The following SUGCT variants were observed in gnomAD, a reference collection of about 807,000 sequenced individuals.
The protein encoded by SUGCT is succinyl-CoA:glutarate CoA-transferase.
SUGCT carries 41 observed loss-of-function variants against 55.0 expected under a neutral mutation model. The ratio of observed to expected loss-of-function variants is 0.74; its 90% CI spans 0.58 to 0.97. The LOEUF (loss-of-function observed/expected upper bound fraction) is 0.97, where lower values mean the gene tolerates loss of function less well. SUGCT is among the 50% of genes least tolerant of loss of function. The pLI is 0.00. For synonymous variants in SUGCT, 187 were observed against 200.4 expected (o/e 0.93, Z 0.56); for missense variants, 568 against 547.8 (o/e 1.04, Z -0.37).
At chr7:41,009,416 C>G in the SUGCT span, among the ~76,000 whole-genome samples, 1 of 152,150 alleles carries the variant, frequency 6.6e-6, no homozygotes, top group Non-Finnish European at 1.5e-5. Flanking sequence ...CCTAGTGCCA[C>G]GGGACAGGTA....
At chr7:40,569,233 AG>A (rs1796307768) in intron 12 of SUGCT, among the ~76,000 whole-genome samples, 1 of 152,144 alleles carries the variant, frequency 6.6e-6, no homozygotes, top group African/African-American at 2.4e-5. Flanking sequence ...TGTAGGACGT[AG>A]GTGATCCTAG....
At chr7:40,158,677 G>C (rs1054805970) in intron 1 of SUGCT, among the ~76,000 whole-genome samples, 6 of 152,272 alleles carry the variant, frequency 3.9e-5, no homozygotes, top group Non-Finnish European at 8.8e-5. Context: ...TTGAACCCGG[G>C]GGGCAGAGGT....
chr7:40,457,730 A>T (rs1789568469), intron 10 of SUGCT, among the ~76,000 whole-genome samples: 1 of 152,224 alleles, frequency 6.6e-6, no homozygotes, highest in Non-Finnish European at 1.5e-5. Flanking sequence ...TCAAATACAG[A>T]GGACACATGG....
At chr7:40,700,500 C>T (rs555915889) in intron 12 of SUGCT, among the ~76,000 whole-genome samples, 4 of 152,180 alleles carry the variant, frequency 2.6e-5, no homozygotes, top group South Asian at 2.1e-4. Flanking sequence ...AGGGCAACAA[C>T]GCTGTTTATT....
At chr7:40,421,607 C>T (rs1395864919) in intron 9 of SUGCT, among the ~76,000 whole-genome samples, 1 of 152,188 alleles carries the variant, frequency 6.6e-6, no homozygotes, top group Non-Finnish European at 1.5e-5. Context: ...GTGAGTCATA[C>T]AGTGGGCATG....
chr7:40,235,618 C>G (rs1338030989), intron 6 of SUGCT, among the ~76,000 whole-genome samples: 1 of 152,230 alleles, frequency 6.6e-6, no homozygotes. Context: ...TGAGCCACCG[C>G]ATCCAGCCAA....
At chr7:40,205,811 T>TAA (rs1786943040) in intron 6 of SUGCT, among the ~76,000 whole-genome samples, 1 of 152,138 alleles carries the variant, frequency 6.6e-6, no homozygotes, top group Admixed American at 6.5e-5. Flanking sequence ...ACTATTGATT[T>TAA]AAAAAAGAGA....
intron 9 of SUGCT, among the ~76,000 whole-genome samples, chr7:40,333,696 TATATATAA>T (rs1353831057): frequency 1.9e-4 from 21 of 112,868 alleles, no homozygotes; most frequent in Non-Finnish European, 2.9e-4. Context: ...TATATATATA[TATATATAA>T]ATATTTATAA....
chr7:40,967,950 T>C, the SUGCT span, among the ~76,000 whole-genome samples: 820 of 152,302 alleles, frequency 5.4e-3, 4 homozygotes, highest in Non-Finnish European at 8.4e-3. Context: ...ACTCAATGGA[T>C]ATAGAAAAGC....
intron 12 of SUGCT, among the ~76,000 whole-genome samples, chr7:40,659,865 C>T (rs1484265318): frequency 6.6e-6 from 1 of 152,148 alleles, no homozygotes; most frequent in East Asian, 1.9e-4. Context: ...CAGTATAGTA[C>T]ACTACACTGT....
At chr7:40,737,420 AT>A (rs1352136474) in intron 12 of SUGCT, among the ~76,000 whole-genome samples, 42 of 152,038 alleles carry the variant, frequency 2.8e-4, no homozygotes, top group Non-Finnish European at 4.7e-4. Context: ...TCAAATAAAG[AT>A]TTTTTTTCTT....
intron 8 of SUGCT, among the ~76,000 whole-genome samples, chr7:40,277,999 C>T (rs1218835030): frequency 1.3e-5 from 2 of 151,950 alleles, no homozygotes; most frequent in Non-Finnish European, 2.9e-5. Flanking sequence ...TCATCCATGT[C>T]CCTACGAAGG....
chr7:40,546,557 T>C (rs1184960929), intron 12 of SUGCT, among the ~76,000 whole-genome samples: 2 of 152,224 alleles, frequency 1.3e-5, no homozygotes, highest in Non-Finnish European at 2.9e-5. Context: ...ATTAAGCCAA[T>C]GTATTCACAG....
At chr7:40,248,429 A>C (rs139431684) in intron 7 of SUGCT, among the ~76,000 whole-genome samples, 2 of 152,152 alleles carry the variant, frequency 1.3e-5, no homozygotes, top group Non-Finnish European at 2.9e-5. Context: ...TATTGTGTCT[A>C]TACCTGTGGA....
intron 9 of SUGCT, among the ~76,000 whole-genome samples, chr7:40,319,528 G>T (rs1795614253): frequency 6.6e-6 from 1 of 152,138 alleles, no homozygotes; most frequent in Admixed American, 6.5e-5. Context: ...GTTACTTGAG[G>T]TGCCTAGCTC....
intron 13 of SUGCT, among the ~76,000 whole-genome samples, chr7:40,845,450 G>T (rs1354908033): frequency 6.6e-6 from 1 of 152,178 alleles, no homozygotes; most frequent in Non-Finnish European, 1.5e-5. Flanking sequence ...GAGAAGGATT[G>T]AACAAGTTGT....
At chr7:40,392,282 A>G (rs1004394562) in intron 9 of SUGCT, among the ~76,000 whole-genome samples, 2 of 152,212 alleles carry the variant, frequency 1.3e-5, no homozygotes, top group African/African-American at 2.4e-5. Context: ...TTAAAGTATA[A>G]TAATAATAAA....
chr7:40,846,283 T>C lies in SUGCT; in HGVS notation c.1154-14033T>C, dbSNP rs140722609. 5.3e-5 allele frequency among the ~76,000 whole-genome samples: 8 copies of C among 152,290 alleles called. No individual in the cohort carries two copies. In the East Asian group the frequency reaches 1.4e-3, roughly 26 times the overall value. On this transcript the variant is annotated intron_variant, in intron 13 of 13. Transcript: ENST00000335693. ...CAAAGAAGAGGAAGAATTGATTATT[T>C]TGGCAAAGAGCACGTTGTCAGCAAG...
chr7:40,817,378 A>C (rs891205475), intron 13 of SUGCT, among the ~76,000 whole-genome samples: 1 of 152,164 alleles, frequency 6.6e-6, no homozygotes, highest in Non-Finnish European at 1.5e-5. Context: ...GTCGGGGGAA[A>C]AAACCCTGAA....
Sources: gnomAD v4.1 joint callset for allele counts (sites outside exome capture counted in the v4.1 genomes callset) on GRCh38, gnomAD v4.1.1 for gene constraint, MANE v1.5 for transcripts, NCBI Gene and HGNC (gene_info 2026-07-23, HGNC 2026-07-21) for gene names.